The following NEGR1 variants were observed in gnomAD, a reference collection of about 807,000 sequenced individuals.
NEGR1 encodes the protein IgLON family member 4.
NEGR1 carries 10 observed loss-of-function variants against 40.9 expected under a neutral mutation model. That is an observed-to-expected ratio of 0.24 (90% CI 0.15 to 0.42). The LOEUF is 0.42. Among genes scored for constraint, NEGR1 ranks in the 10% least tolerant of loss-of-function variants. The pLI, the probability that NEGR1 is intolerant of heterozygous loss-of-function variation, is 1.00. For synonymous variants in NEGR1, 185 were observed against 166.8 expected (o/e 1.11, Z -0.84); for missense variants, 352 against 438.9 (o/e 0.80, Z 1.77).
At chr1:71,645,471 T>C (rs573907147) in intron 4 of NEGR1, among the ~76,000 whole-genome samples, 53 of 151,992 alleles carry the variant, frequency 3.5e-4, no homozygotes, top group African/African-American at 1.2e-3. Flanking sequence ...TATAATATAG[T>C]CTTAGAAATA....
intron 1 of NEGR1, among the ~76,000 whole-genome samples, chr1:72,026,110 CAAAAAAAAAAAAAAAAAAAA>C (rs1172589239): frequency 1.3e-4 from 4 of 31,140 alleles, no homozygotes; most frequent in African/African-American, 3.8e-4. Flanking sequence ...GACTCCGTCT[CAAAAAAAAAAAAAAAAAAAA>C]AAAAAAAAAA....
At chr1:71,750,792 A>G (rs1372682517) in intron 3 of NEGR1, among the ~76,000 whole-genome samples, 1 of 152,142 alleles carries the variant, frequency 6.6e-6, no homozygotes, top group African/African-American at 2.4e-5. Context: ...TATTTTTAAG[A>G]AGCTTTTTTA....
chr1:72,078,635 A>C (rs530553994), intron 1 of NEGR1, among the ~76,000 whole-genome samples: 1 of 147,180 alleles, frequency 6.8e-6, no homozygotes, highest in East Asian at 2.0e-4. Flanking sequence ...ATATATATAT[A>C]TATTTATTTA....
At chr1:72,057,097 C>G (rs891067191) in intron 1 of NEGR1, among the ~76,000 whole-genome samples, 1 of 151,534 alleles carries the variant, frequency 6.6e-6, no homozygotes, top group Non-Finnish European at 1.5e-5. Context: ...AAAGCGGTGG[C>G]AGTGCCTCAT....
chr1:72,100,417 A>G, intron 1 of NEGR1, among the ~76,000 whole-genome samples: 1 of 152,202 alleles, frequency 6.6e-6, no homozygotes, highest in East Asian at 1.9e-4. Context: ...ACTAATAAAA[A>G]TGAACCAGCA....
At chr1:71,907,153 A>G in intron 2 of NEGR1, among the ~76,000 whole-genome samples, 1 of 152,206 alleles carries the variant, frequency 6.6e-6, no homozygotes, top group African/African-American at 2.4e-5. Flanking sequence ...TTTCAAATTT[A>G]GCATGGGTTA....
intron 1 of NEGR1, among the ~76,000 whole-genome samples, chr1:72,166,180 T>C (rs1049352900): frequency 6.6e-6 from 1 of 151,990 alleles, no homozygotes; most frequent in Admixed American, 6.6e-5. Context: ...ACAACTTTAA[T>C]TTTGCTACCA....
chr1:71,746,632 T>C (rs1339055644), intron 3 of NEGR1, among the ~76,000 whole-genome samples: 1 of 152,022 alleles, frequency 6.6e-6, no homozygotes. Flanking sequence ...TTTTCCTCAA[T>C]GCATCTTCTT....
chr1:71,662,685 A>G (rs1570167772), intron 4 of NEGR1, among the ~76,000 whole-genome samples: 1 of 151,442 alleles, frequency 6.6e-6, no homozygotes, highest in South Asian at 2.1e-4. Context: ...ATATACAATC[A>G]AGAATATATA....
At chr1:71,415,286 A>G (rs962006118) in intron 6 of NEGR1, among the ~76,000 whole-genome samples, 7 of 152,092 alleles carry the variant, frequency 4.6e-5, no homozygotes, top group African/African-American at 1.7e-4. Context: ...GAGAAATCAC[A>G]CCATTCCTTT....
At chr1:71,957,191 C>T (rs1364157919) in intron 1 of NEGR1, among the ~76,000 whole-genome samples, 3 of 152,024 alleles carry the variant, frequency 2.0e-5, no homozygotes, top group African/African-American at 7.2e-5. Context: ...TGACTATATC[C>T]CAGTGGAAGT....
chr1:72,231,340 C>T (rs1398393455), intron 1 of NEGR1, among the ~76,000 whole-genome samples: 1 of 152,058 alleles, frequency 6.6e-6, no homozygotes, highest in Non-Finnish European at 1.5e-5. Flanking sequence ...ATTAAGAGGA[C>T]AAACTCTGAA....
chr1:71,538,874 C>T (rs74394995), intron 6 of NEGR1, among the ~76,000 whole-genome samples: 1 of 151,852 alleles, frequency 6.6e-6, no homozygotes, highest in African/African-American at 2.4e-5. Context: ...CAGATTCCAT[C>T]CCATCTGGTG....
chr1:71,668,405 G>A (rs1308970648), intron 4 of NEGR1, among the ~76,000 whole-genome samples: 1 of 152,188 alleles, frequency 6.6e-6, no homozygotes, highest in East Asian at 1.9e-4. Flanking sequence ...GCTGATAGAG[G>A]AGGATAGAGC....
Position 72,064,625 on chromosome 1 carries a change from G to A in NEGR1, c.177-129314C>T, listed in dbSNP as rs76935455. Among the ~76,000 whole-genome samples, 12 of 152,076 alleles carry A rather than the reference G, an allele frequency of 7.9e-5. No individual in the cohort carries two copies. In the East Asian group the frequency reaches 2.3e-3, roughly 30 times the overall value. On this transcript the variant is annotated intron_variant, in intron 1 of 6. Coordinates refer to ENST00000357731, the MANE Select transcript of NEGR1 (RefSeq NM_173808.3). ...TTAGTTTAAATTTCTTCCCAGAATG[G>A]ACTTTTTATGTTTCAAAAGGATATG...
chr1:71,837,538 G>C (rs532854769), intron 2 of NEGR1, among the ~76,000 whole-genome samples: 1 of 152,030 alleles, frequency 6.6e-6, no homozygotes, highest in East Asian at 1.9e-4. Flanking sequence ...AGAGCATTCA[G>C]TCACGTTTGT....
chr1:71,843,152 A>C (rs890165858), intron 2 of NEGR1, among the ~76,000 whole-genome samples: 15 of 152,056 alleles, frequency 9.9e-5, no homozygotes, highest in Non-Finnish European at 2.1e-4. Context: ...ACTTTGATTA[A>C]AGAGGACATC....
intron 2 of NEGR1, among the ~76,000 whole-genome samples, chr1:71,918,771 A>G (rs975070776): frequency 1.3e-5 from 2 of 152,004 alleles, no homozygotes; most frequent in African/African-American, 2.4e-5. Flanking sequence ...TTGGTCACTC[A>G]GGCCCCAATT....
At chr1:72,245,972 A>T (rs1031244797) in intron 1 of NEGR1, among the ~76,000 whole-genome samples, 1 of 152,186 alleles carries the variant, frequency 6.6e-6, no homozygotes, top group Admixed American at 6.5e-5. Context: ...CATTTAAAAA[A>T]TATCTAAATA....
Sources: gnomAD v4.1 joint callset for allele counts (sites outside exome capture counted in the v4.1 genomes callset) on GRCh38, gnomAD v4.1.1 for gene constraint, MANE v1.5 for transcripts, NCBI Gene and HGNC (gene_info 2026-07-23, HGNC 2026-07-21) for gene names.